Variants in PEAK1 observed in about 807,000 individuals in gnomAD.
PEAK1 encodes pseudopodium enriched atypical kinase 1.
PEAK1 carries 54 observed loss-of-function variants against 124.7 expected under a neutral mutation model. The observed-to-expected ratio is 0.43, with a 90% CI of 0.35 to 0.54. The LOEUF is 0.54. Ranked by LOEUF, PEAK1 falls within the 20% of genes least tolerant of loss-of-function variation. The pLI, the probability that PEAK1 is intolerant of heterozygous loss-of-function variation, is 0.01. For synonymous variants in PEAK1, 719 were observed against 760.0 expected (o/e 0.95, Z 0.89); for missense variants, 2,046 against 2,134.5 (o/e 0.96, Z 0.82).
At chr15:77,389,458 A>G (rs1232489720) in intron 1 of PEAK1, among the ~76,000 whole-genome samples, 1 of 152,198 alleles carries the variant, frequency 6.6e-6, no homozygotes, top group Non-Finnish European at 1.5e-5. Context: ...GGGAGATAAT[A>G]CCATCTCTCA....
At position 77,365,175 on chromosome 15, in the gene PEAK1, G is replaced by C; in HGVS notation, c.-615C>G. On this transcript the variant is annotated 5_prime_UTR_variant, in exon 2 of 10. The change creates a new upstream start codon in the 5' untranslated region. Transcript: ENST00000682557. ...TAAATTATCTCACCTTTGGTTTTTA[G>C]ATAAACCACAAAGAAATGTCTACAG... The C allele has an allele frequency of 2.1e-6, 2 of 973,754 alleles. No individual in the cohort carries two copies. Among genetic ancestry groups the C allele is most frequent in the Non-Finnish European group, 2.4e-6 (2 of 819,444 alleles). The allele number at this position is 973,754 out of a possible 1,614,324, so 60.3% of individuals were successfully genotyped here.
intron 2 of PEAK1, among the ~76,000 whole-genome samples, chr15:77,361,725 A>G (rs951522059): frequency 8.5e-5 from 13 of 152,208 alleles, no homozygotes; most frequent in African/African-American, 3.1e-4. Flanking sequence ...CACTACAGTG[A>G]ATCTATCCAA....
Position 77,178,933 on chromosome 15 carries a change from G to T in PEAK1, c.2994C>A (p.Gly998=). 6.2e-7 allele frequency: 1 copy of T among 1,614,058 alleles called. No homozygotes were observed. Among genetic ancestry groups the T allele is most frequent in the Non-Finnish European group, 8.5e-7 (1 of 1,180,010 alleles). Residue 998 remains glycine, a synonymous_variant, in exon 7 of 10, where the codon GGC becomes GGA. Coordinates refer to ENST00000682557, the MANE Select transcript of PEAK1 (RefSeq NM_001385026.1). The part of the protein sequence containing the change: ...VFMYRCDPAQ[G]QLSVDQSKAR... ...CCTTGCTCTGATCCACACTGAGCTG[G>T]CCTTGAGCAGGGTCGCACCTGTACA...
chr15:77,355,752 A>T, intron 2 of PEAK1: 6 of 985,046 alleles, frequency 6.1e-6, no homozygotes, highest in Non-Finnish European at 7.2e-6. Context: ...TAATTACGTA[A>T]ATCAGGTCTA....
chr15:77,368,621 A>C (rs543086066), intron 1 of PEAK1, among the ~76,000 whole-genome samples: 2 of 152,364 alleles, frequency 1.3e-5, no homozygotes, highest in African/African-American at 4.8e-5. Context: ...GAAAGCAATA[A>C]GTAAGACAAT....
intron 2 of PEAK1, chr15:77,346,509 T>G: frequency 2.0e-6 from 2 of 985,386 alleles, no homozygotes; most frequent in Non-Finnish European, 2.4e-6. Context: ...CTAATTGCTT[T>G]TATGACTAGG....
In PEAK1 at chr15:77,413,860, G is replaced by C. The variant is rs1436461765; in HGVS notation, c.-666+6146C>G. Among the ~76,000 whole-genome samples the C allele has an allele frequency of 6.6e-5, 10 of 152,310 alleles. No individual in the cohort carries two copies. The East Asian group carries it at 1.9e-3, about 29-fold the overall frequency. On this transcript the variant is annotated intron_variant, in intron 1 of 9. Transcript: ENST00000682557. ...TTTCTTTGAGACAGGGTCTTACTCT[G>C]TTGCCCAGACTGGGGTGCAGTGGTG...
At chr15:77,320,789 T>C (rs1419079966) in intron 2 of PEAK1, among the ~76,000 whole-genome samples, 1 of 152,090 alleles carries the variant, frequency 6.6e-6, no homozygotes, top group African/African-American at 2.4e-5. Context: ...TAGGTACATC[T>C]CCTAATGCTA....
intron 4 of PEAK1, 57 bp downstream of exon 4, chr15:77,284,891 AACACACACAC>A (rs72078461): frequency 0.014 from 1,992 of 139,946 alleles, 41 homozygotes; most frequent in African/African-American, 0.048. Flanking sequence ...TCTCTACTAA[AACACACACAC>A]ACACACACAC....
intron 6 of PEAK1, among the ~76,000 whole-genome samples, chr15:77,196,877 TCTCA>T (rs1174672371): frequency 6.6e-6 from 1 of 152,068 alleles, no homozygotes; most frequent in Non-Finnish European, 1.5e-5. Context: ...ACAGACAGGG[TCTCA>T]CTCTGTCACT....
At chr15:77,228,415 C>T (rs2059770402) in intron 6 of PEAK1, among the ~76,000 whole-genome samples, 1 of 152,114 alleles carries the variant, frequency 6.6e-6, no homozygotes, top group African/African-American at 2.4e-5. Flanking sequence ...TTTGCTTTGG[C>T]CTGGAACTTG....
At chr15:77,254,426 TTTA>T (rs1248111921) in intron 5 of PEAK1, among the ~76,000 whole-genome samples, 1 of 152,074 alleles carries the variant, frequency 6.6e-6, no homozygotes, top group Non-Finnish European at 1.5e-5. Flanking sequence ...GCAATGAGTA[TTTA>T]TTATTTTGTT....
At chr15:77,273,358 TA>T (rs1179661263) in intron 5 of PEAK1, among the ~76,000 whole-genome samples, 1 of 152,112 alleles carries the variant, frequency 6.6e-6, no homozygotes, top group Non-Finnish European at 1.5e-5. Context: ...ATCATATACC[TA>T]GAAAACCCTA....
chr15:77,261,074 A>T (rs2061414541), intron 5 of PEAK1, among the ~76,000 whole-genome samples: 2 of 152,330 alleles, frequency 1.3e-5, no homozygotes, highest in Admixed American at 1.3e-4. Flanking sequence ...GACTGTTAGA[A>T]GGAAAACTAA....
At chr15:77,331,986 C>A in intron 2 of PEAK1, 1 of 160,300 alleles carries the variant, frequency 6.2e-6, no homozygotes, top group Non-Finnish European at 1.3e-5. Context: ...CCTGTAATCC[C>A]AGCACTTTGG....
In PEAK1 at chr15:77,158,608, C is replaced by T. The variant is rs1270897126; in HGVS notation, c.3226G>A (p.Val1076Ile). ...GKQDGRGCTS[V>I]TTALSLPELE... The stretch of plus-strand genomic sequence containing the variant: ...TCAGGTAGGGACAATGCTGTTGTGA[C>T]TGAAGTGCAGCCCCTGCCATCTTGC... The change falls in exon 8 of 10, where the codon GTC becomes ATC. Residue 1076 changes from valine to isoleucine, a missense_variant. Coordinates refer to ENST00000682557, the MANE Select transcript of PEAK1 (RefSeq NM_001385026.1). The T allele has an allele frequency of 7.4e-6, 12 of 1,613,994 alleles. No individual in the cohort carries two copies. In the Admixed American group the frequency reaches 1.8e-4, roughly 25 times the overall value.
At chr15:77,329,549 A>G (rs1399454329) in intron 2 of PEAK1, among the ~76,000 whole-genome samples, 1 of 152,168 alleles carries the variant, frequency 6.6e-6, no homozygotes, top group African/African-American at 2.4e-5. Flanking sequence ...TGAGTGTCTT[A>G]CTATTTGGTG....
intron 8 of PEAK1, among the ~76,000 whole-genome samples, chr15:77,139,767 GAAC>G (rs1455991983): frequency 6.6e-6 from 1 of 151,448 alleles, no homozygotes; most frequent in African/African-American, 2.4e-5. Context: ...ATAAGTAATA[GAAC>G]AATATTAAAT....
chr15:77,201,846 C>T (rs764536297), intron 6 of PEAK1, among the ~76,000 whole-genome samples: 2 of 152,174 alleles, frequency 1.3e-5, no homozygotes, highest in Non-Finnish European at 2.9e-5. Flanking sequence ...CAGCCTGTCA[C>T]TTAGCTAGGG....
Sources: allele counts gnomAD v4.1 joint callset (sites outside exome capture counted in the v4.1 genomes callset), GRCh38; gene constraint gnomAD v4.1.1; transcripts MANE v1.5; gene names NCBI Gene and HGNC (gene_info 2026-07-23, HGNC 2026-07-21).